KCND3: variants seen among roughly 807,000 people sequenced by gnomAD.
The protein encoded by KCND3 is A-type voltage-gated potassium channel KCND3.
Under a neutral mutation model 51.1 loss-of-function variants are expected in KCND3, and 9 were observed. That is an observed-to-expected ratio of 0.18 (90% CI 0.11 to 0.31). The LOEUF is 0.31. Ranked by LOEUF, KCND3 falls within the 10% of genes least tolerant of loss-of-function variation. KCND3 has a pLI of 1.00. For synonymous variants in KCND3, 349 were observed against 368.0 expected (o/e 0.95, Z 0.59); for missense variants, 526 against 903.8 (o/e 0.58, Z 5.36).
intron 2 of KCND3, among the ~76,000 whole-genome samples, chr1:111,874,153 G>C (rs1668948512): frequency 6.6e-6 from 1 of 152,142 alleles, no homozygotes; most frequent in African/African-American, 2.4e-5. Context: ...AATTGGTAAG[G>C]CAAACATACT....
rs969957485 is a variant in KCND3, at chr1:111,778,443, G to A, written c.1511C>T (p.Thr504Ile). ...DDPLLSVRTSTIKNHEFIDEQ... is the reference protein window; with the variant it reads ...DDPLLSVRTSIIKNHEFIDEQ... The stretch of plus-strand genomic sequence containing the variant: ...ATTTTTAAAAAGTTATACCTTGATG[G>A]TGGAGGTTCGTACAGATAACAGGGG... Residue 504 changes from threonine (T) to isoleucine (I), a missense_variant, in exon 6 of 8, where the codon ACC becomes ATC. Physicochemically the swap from Thr to Ile is moderately conservative, Grantham distance 89. Transcript: ENST00000302127. The A allele has an allele frequency of 2.5e-6, 4 of 1,613,398 alleles. No homozygotes were observed. In the Admixed American group the frequency reaches 6.7e-5, roughly 27 times the overall value.
At chr1:111,848,784 C>T (rs184343995) in intron 2 of KCND3, among the ~76,000 whole-genome samples, 37 of 152,302 alleles carry the variant, frequency 2.4e-4, no homozygotes, top group African/African-American at 7.5e-4. Flanking sequence ...TAAGACCTGA[C>T]GTTGTAGGGC....
At chr1:111,833,586 G>C (rs1384767296) in intron 2 of KCND3, among the ~76,000 whole-genome samples, 1 of 152,232 alleles carries the variant, frequency 6.6e-6, no homozygotes, top group Non-Finnish European at 1.5e-5. Flanking sequence ...GTTGGATGAG[G>C]AAAAGAGAAC....
intron 2 of KCND3, among the ~76,000 whole-genome samples, chr1:111,953,203 A>C (rs1036613045): frequency 6.6e-6 from 1 of 152,190 alleles, no homozygotes; most frequent in Admixed American, 6.5e-5. Context: ...CAAGGCCACC[A>C]CACAGGATCC....
At chr1:111,955,316 G>A (rs912170736) in intron 2 of KCND3, among the ~76,000 whole-genome samples, 2 of 152,092 alleles carry the variant, frequency 1.3e-5, no homozygotes, top group Non-Finnish European at 2.9e-5. Context: ...TAGGAGGCTG[G>A]GGCGAGAGGA....
intron 2 of KCND3, among the ~76,000 whole-genome samples, chr1:111,850,528 A>G (rs1256802332): frequency 6.6e-6 from 1 of 152,150 alleles, no homozygotes; most frequent in African/African-American, 2.4e-5. Context: ...TCTCATCACA[A>G]TCACTCTGGG....
chr1:111,831,549 T>C (rs1666833072), intron 2 of KCND3, among the ~76,000 whole-genome samples: 1 of 152,192 alleles, frequency 6.6e-6, no homozygotes, highest in Non-Finnish European at 1.5e-5. Flanking sequence ...TCTTTATAAA[T>C]TACCCAGTCT....
Position 111,773,455 on chromosome 1 carries a change from T to C in KCND3, c.*2622A>G, listed in dbSNP as rs1663998495. ...TTTTTTTTTTGAGACGGAGTCTTGCTGTGTCACCTGGGCTGGAGTGCAGTG... is the reference window on the plus strand; with the variant it reads ...TTTTTTTTTTGAGACGGAGTCTTGCCGTGTCACCTGGGCTGGAGTGCAGTG... On this transcript the variant is annotated 3_prime_UTR_variant, in exon 8 of 8. Transcript: ENST00000302127. 1 of 140,598 alleles carries C rather than the reference T, an allele frequency of 7.1e-6. No individual in the cohort carries two copies. Among genetic ancestry groups the C allele is most frequent in the South Asian group, 2.3e-4 (1 of 4,442 alleles). 8.7% of individuals were successfully genotyped at this position (140,598 alleles called of 1,614,324 possible). A position where few individuals can be genotyped will look rare whatever the true frequency, so the allele number is the denominator to read the frequency against.
chr1:111,917,733 C>T lies in KCND3; in HGVS notation c.1106+63888G>A, dbSNP rs146069712. Among the ~76,000 whole-genome samples, 295 of 152,242 alleles carry T rather than the reference C, an allele frequency of 1.9e-3. 5 individuals are homozygous for T. Among genetic ancestry groups the T allele is most frequent in the African/African-American group, 6.7e-3 (279 of 41,534 alleles). ...GAATTATCTTCATCCTAAGGATGGG[C>T]GAACTGAGGTAAAGAGCCATAGACC... On this transcript the variant is annotated intron_variant, in intron 2 of 7. Transcript: ENST00000302127.
intron 2 of KCND3, among the ~76,000 whole-genome samples, chr1:111,875,038 A>G (rs796287752): frequency 6.6e-6 from 1 of 152,186 alleles, no homozygotes; most frequent in South Asian, 2.1e-4. Context: ...AATGAATCAA[A>G]TGTCCCGAGG....
At chr1:111,834,481 T>A (rs1666985600) in intron 2 of KCND3, among the ~76,000 whole-genome samples, 1 of 152,204 alleles carries the variant, frequency 6.6e-6, no homozygotes, top group South Asian at 2.1e-4. Context: ...CTGCTCTCTG[T>A]ACTTACTGAG....
chr1:111,969,975 C>T (rs996079137), intron 2 of KCND3, among the ~76,000 whole-genome samples: 9 of 152,096 alleles, frequency 5.9e-5, no homozygotes, highest in Non-Finnish European at 1.2e-4. Flanking sequence ...CCAGCTTTCT[C>T]TCTTTTTTTC....
chr1:111,889,038 G>A (rs958079318), intron 2 of KCND3, among the ~76,000 whole-genome samples: 1 of 152,160 alleles, frequency 6.6e-6, no homozygotes, highest in African/African-American at 2.4e-5. Flanking sequence ...TCATCACTGG[G>A]ACTTCTTTAG....
intron 2 of KCND3, among the ~76,000 whole-genome samples, chr1:111,864,732 A>C (rs1668478988): frequency 6.6e-6 from 1 of 152,146 alleles, no homozygotes; most frequent in African/African-American, 2.4e-5. Flanking sequence ...GCAGCTTCCC[A>C]AACTATGCCC....
At position 111,839,915 on chromosome 1, in the gene KCND3, G is replaced by A. The variant is rs541487056; in HGVS notation, c.1107-52809C>T. On this transcript the variant is annotated intron_variant, in intron 2 of 7. Coordinates refer to ENST00000302127, the MANE Select transcript of KCND3 (RefSeq NM_001378969.1). ...TTGTTTAAAAAATGGTTTATTCTGG[G>A]TGCCTTAGTCCATTCGAGCTGCTAT... 2.6e-5 allele frequency among the ~76,000 whole-genome samples: 4 copies of A among 152,324 alleles called. No homozygotes were observed. In the South Asian group the frequency reaches 8.3e-4, roughly 32 times the overall value.
intron 2 of KCND3, among the ~76,000 whole-genome samples, chr1:111,828,447 C>T (rs1666678520): frequency 6.6e-6 from 1 of 152,200 alleles, no homozygotes; most frequent in African/African-American, 2.4e-5. Context: ...CCATTAGTCA[C>T]CAGTGCAAAC....
chr1:111,831,502 G>T (rs1429603901), intron 2 of KCND3, among the ~76,000 whole-genome samples: 2 of 152,098 alleles, frequency 1.3e-5, no homozygotes, highest in Non-Finnish European at 2.9e-5. Flanking sequence ...ATGCTCCCTG[G>T]ACAGCCTGCA....
chr1:111,875,569 C>T (rs1249424767), intron 2 of KCND3, among the ~76,000 whole-genome samples: 3 of 152,220 alleles, frequency 2.0e-5, no homozygotes, highest in Non-Finnish European at 4.4e-5. Context: ...GGAGAATTCT[C>T]TAGGAAAGCC....
chr1:111,835,882 T>C (rs1265789253), intron 2 of KCND3, among the ~76,000 whole-genome samples: 2 of 152,230 alleles, frequency 1.3e-5, no homozygotes, highest in Non-Finnish European at 2.9e-5. Context: ...AAACTTGCTT[T>C]CACTTTATAG....
Sources: allele counts gnomAD v4.1 joint callset (sites outside exome capture counted in the v4.1 genomes callset), GRCh38; gene constraint gnomAD v4.1.1; transcripts MANE v1.5; gene names NCBI Gene and HGNC (gene_info 2026-07-23, HGNC 2026-07-21).